Variants in DNAH8 observed in about 807,000 individuals in gnomAD.
DNAH8 encodes the protein axonemal beta dynein heavy chain 8.
DNAH8 carries 382 observed loss-of-function variants against 562.1 expected under a neutral mutation model. The observed-to-expected ratio is 0.68, with a 90% confidence interval of 0.63 to 0.74. The LOEUF (loss-of-function observed/expected upper bound fraction) is 0.74, where lower values mean the gene tolerates loss of function less well. Among genes scored for constraint, DNAH8 ranks in the 30% least tolerant of loss-of-function variants. The pLI, the probability that DNAH8 is intolerant of heterozygous loss-of-function variation, is 0.00. For synonymous variants in DNAH8, 1,881 were observed against 1,919.4 expected (o/e 0.98, Z 0.52); for missense variants, 5,203 against 5,620.4 (o/e 0.93, Z 2.37).
chr6:38,877,849 G>GT (rs992490356), intron 53 of DNAH8, among the ~76,000 whole-genome samples: 4 of 151,924 alleles, frequency 2.6e-5, no homozygotes, highest in Non-Finnish European at 5.9e-5. Flanking sequence ...GTGTAAGACG[G>GT]TTTTTTTTCA....
At position 38,766,684 on chromosome 6, in the gene DNAH8, C is replaced by T. The variant is rs143449179; in HGVS notation, c.1618-3729C>T. Reference sequence around the variant, plus strand: ...TTGCTAAGAAAGTAGGTCACACCCCCAACCCCAAAAAGTAATTCACACCCC... The same window carrying T: ...TTGCTAAGAAAGTAGGTCACACCCCTAACCCCAAAAAGTAATTCACACCCC... On this transcript the variant is annotated intron_variant, in intron 11 of 92. Transcript: ENST00000327475. 3.2e-3 allele frequency among the ~76,000 whole-genome samples: 481 copies of T among 152,108 alleles called. 4 individuals are homozygous for T. In the South Asian group the frequency reaches 0.05, roughly 16 times the overall value.
chr6:38,725,986 C>T (rs536960546), intron 3 of DNAH8, among the ~76,000 whole-genome samples: 1 of 152,266 alleles, frequency 6.6e-6, no homozygotes, highest in Admixed American at 6.5e-5. Context: ...GTCTTTCTAG[C>T]CTCTCTAAGC....
chr6:38,756,948 C>T (rs1458602328), intron 10 of DNAH8, among the ~76,000 whole-genome samples: 2 of 151,966 alleles, frequency 1.3e-5, no homozygotes, highest in Non-Finnish European at 2.9e-5. Context: ...GGTTCCAAGT[C>T]TTTGCTATTG....
intron 21 of DNAH8, among the ~76,000 whole-genome samples, chr6:38,800,543 G>T (rs1013050895): frequency 6.6e-6 from 1 of 152,098 alleles, no homozygotes; most frequent in African/African-American, 2.4e-5. Context: ...TTGAGACAGG[G>T]TCTCACTCTG....
chr6:38,923,210 AT>A (rs766090133), intron 72 of DNAH8, 25 bp downstream of exon 72: 3 of 1,610,142 alleles, frequency 1.9e-6, no homozygotes, highest in Non-Finnish European at 2.5e-6. Flanking sequence ...CTTCTTCATA[AT>A]CACTCTTTCT....
At chr6:38,914,088 A>G in intron 67 of DNAH8, 136 bp downstream of exon 67, 1 of 637,572 alleles carries the variant, frequency 1.6e-6, no homozygotes, top group Non-Finnish European at 2.7e-6. Context: ...CACAAAGACC[A>G]TTAGACATTT....
chr6:38,995,476 C>T lies in DNAH8; in HGVS notation c.13214+5304C>T, dbSNP rs138840640. Among the ~76,000 whole-genome samples, 199 of 152,282 alleles carry T rather than the reference C, an allele frequency of 1.3e-3. 2 individuals carry two copies. The highest frequency in any genetic ancestry group is 6.3e-3 in the Admixed American group (97 of 15,292). On this transcript the variant is annotated intron_variant, in intron 88 of 92. Transcript: ENST00000327475. ...GGAACAATTTATGTAGTATTGGATGCTTTAAAGTTTGGTAGAATTCTCCTG... is the reference window on the plus strand; with the variant it reads ...GGAACAATTTATGTAGTATTGGATGTTTTAAAGTTTGGTAGAATTCTCCTG...
rs1040468700 is a variant in DNAH8 at position 39,008,301 on chromosome 6, A to G, written c.13215-513A>G. Among the ~76,000 whole-genome samples, 17 of 152,108 alleles carry G rather than the reference A, an allele frequency of 1.1e-4. 1 individual carries two copies. The highest frequency in any genetic ancestry group is 3.4e-4 in the African/African-American group (14 of 41,438). ...GAACAGGTGGAGCCGATGGGCGTCA[A>G]TAGATTTCCCTGGAAATCATAAAAC... On this transcript the variant is annotated intron_variant, in intron 88 of 92. Coordinates refer to ENST00000327475, the MANE Select transcript of DNAH8 (RefSeq NM_001206927.2).
intron 26 of DNAH8, among the ~76,000 whole-genome samples, chr6:38,819,471 T>G (rs1000343482): frequency 1.3e-5 from 2 of 152,200 alleles, no homozygotes; most frequent in Non-Finnish European, 1.5e-5. Flanking sequence ...GTAAGTATAT[T>G]TCACTTACCC....
In DNAH8 at chr6:38,734,333, C is replaced by CCCCG. The variant is rs1763910159; in HGVS notation, c.611-139_611-138insCGCC. 2.5e-6 allele frequency: 2 copies of CCCCG among 815,292 alleles called. 1 individual carries two copies. Among genetic ancestry groups the CCCCG allele is most frequent in the South Asian group, 4.1e-5 (2 of 49,262 alleles). 50.5% of individuals were successfully genotyped at this position (815,292 alleles called of 1,614,324 possible). ...ATTGGCATCTTCTAGTAGACCCCCCCCCAAAAAAATTATTCTATGACCGTA... is the reference window on the plus strand; with the variant it reads ...ATTGGCATCTTCTAGTAGACCCCCCCCCCGCCAAAAAAATTATTCTATGACCGTA... On this transcript the variant is annotated intron_variant, in intron 4 of 92. Transcript: ENST00000327475.
At chr6:38,778,996 C>A (rs1768321752) in intron 14 of DNAH8, among the ~76,000 whole-genome samples, 1 of 152,178 alleles carries the variant, frequency 6.6e-6, no homozygotes, top group African/African-American at 2.4e-5. Flanking sequence ...AGTTATCTGT[C>A]CCCCACATTT....
In DNAH8 at chr6:38,896,043, C is replaced by T. The variant is rs1425431031; in HGVS notation, c.8758C>T (p.Pro2920Ser). Reference protein sequence around the residue: ...SRVIADRFITPEDEQWFNAHL... With the variant: ...SRVIADRFITSEDEQWFNAHL... ...ACATTTTCCTTTCAGATTTATAACT[C>T]CTGAAGATGAGCAGTGGTTTAATGC... The change falls in exon 60 of 93, where the codon CCT (proline) becomes TCT (serine). Residue 2920 changes from proline to serine, a missense_variant. Physicochemically the swap from Pro to Ser is moderately conservative, Grantham distance 74 (BLOSUM62 -1). This residue lies in a region of DNAH8 where 977 missense variants were observed against 1,061.8 expected (regional missense o/e 0.92). Transcript: ENST00000327475. The T allele has an allele frequency of 1.2e-6, 2 of 1,610,876 alleles. No homozygotes were observed. The highest frequency in any genetic ancestry group is 1.3e-5 in the African/African-American group (1 of 74,690).
At chr6:38,941,094 T>G (rs981648063) in intron 79 of DNAH8, among the ~76,000 whole-genome samples, 8 of 150,870 alleles carry the variant, frequency 5.3e-5, no homozygotes, top group Middle Eastern at 3.4e-3. Flanking sequence ...CACTCCAGCC[T>G]GGTGACAGAG....
intron 21 of DNAH8, among the ~76,000 whole-genome samples, chr6:38,795,590 A>G (rs1770174488): frequency 1.3e-5 from 2 of 151,904 alleles, no homozygotes; most frequent in African/African-American, 4.8e-5. Flanking sequence ...AGAAAAAAAA[A>G]AAAAAGAGTG....
At chr6:38,762,565 C>G (rs1295106554) in intron 11 of DNAH8, among the ~76,000 whole-genome samples, 1 of 152,140 alleles carries the variant, frequency 6.6e-6, no homozygotes, top group African/African-American at 2.4e-5. Context: ...TGTGTTTTGG[C>G]ATCAATGTCT....
chr6:39,003,727 A>G (rs1207155258), intron 88 of DNAH8, among the ~76,000 whole-genome samples: 1 of 152,218 alleles, frequency 6.6e-6, no homozygotes, highest in Non-Finnish European at 1.5e-5. Flanking sequence ...ATAGATTTTT[A>G]TAAAGCTTTA....
chr6:38,807,100 A>G (rs1032830147), intron 23 of DNAH8, among the ~76,000 whole-genome samples: 1 of 152,150 alleles, frequency 6.6e-6, no homozygotes, highest in African/African-American at 2.4e-5. Flanking sequence ...TACTTCTCCC[A>G]AGGGAAGGAA....
At chr6:38,715,941 TATATATATATATATATATA>T (rs1762272318) in intron 1 of DNAH8, among the ~76,000 whole-genome samples, 1 of 16,998 alleles carries the variant, frequency 5.9e-5, no homozygotes, top group Non-Finnish European at 1.3e-4. Context: ...TATATATATA[TATATATATATATATATATA>T]TTTTTTTTTT....
intron 65 of DNAH8, among the ~76,000 whole-genome samples, chr6:38,910,829 A>T (rs878884748): frequency 2.0e-5 from 3 of 152,214 alleles, no homozygotes; most frequent in Non-Finnish European, 4.4e-5. Flanking sequence ...TTAAATTAAT[A>T]TAAAAGGTTA....
Sources: gnomAD v4.1 joint callset for allele counts (sites outside exome capture counted in the v4.1 genomes callset) on GRCh38, gnomAD v4.1.1 for gene constraint, gnomAD v4.1.1 regional missense constraint, MANE v1.5 for transcripts, NCBI Gene and HGNC (gene_info 2026-07-23, HGNC 2026-07-21) for gene names.